Variants in SFPQ observed in about 807,000 individuals in gnomAD.
The protein encoded by SFPQ is splicing factor proline and glutamine rich, also known as splicing factor, proline- and glutamine-rich.
Under a neutral mutation model 72.9 loss-of-function variants are expected in SFPQ, and 11 were observed. That is an observed-to-expected ratio of 0.15 (90% CI 0.09 to 0.25). The LOEUF is 0.25. Ranked by LOEUF, SFPQ falls within the 10% of genes least tolerant of loss-of-function variation. The pLI, the probability that SFPQ is intolerant of heterozygous loss-of-function variation, is 1.00. For synonymous variants in SFPQ, 506 were observed against 367.3 expected (o/e 1.38, Z -4.32); for missense variants, 847 against 993.3 (o/e 0.85, Z 1.98).
chr1:35,189,736 G>A (rs1342736871), intron 4 of SFPQ, among the ~76,000 whole-genome samples: 6 of 152,098 alleles, frequency 3.9e-5, no homozygotes, highest in Non-Finnish European at 8.8e-5. Flanking sequence ...ATCACCTGAG[G>A]TCATGAGTTT....
At position 35,192,273 on chromosome 1, in the gene SFPQ, G is replaced by C. The variant is rs118141562; in HGVS notation, c.777C>G (p.Pro259=). The change falls in exon 1 of 10, where the codon CCC becomes CCG. Residue 259 remains proline (P), a synonymous_variant. Transcript: ENST00000357214. ...TGCGGCCGCCGGGCCCGCCGGGCGGGGGCCCCTGGTGATGCTGCTGGTGGT... is the reference window on the plus strand; with the variant it reads ...TGCGGCCGCCGGGCCCGCCGGGCGGCGGCCCCTGGTGATGCTGCTGGTGGT... ...PPYHQQHHQG[P]PPGGPGGRSE... The C allele has an allele frequency of 0.08, 116,340 of 1,461,130 alleles. 24,023 individuals carry two copies. The highest frequency in any genetic ancestry group is 0.7 in the East Asian group (22,842 of 32,414). 90.5% of individuals were successfully genotyped at this position (1,461,130 alleles called of 1,614,324 possible).
chr1:35,192,769 TGCGGCTGTGGATGCG>T lies in SFPQ; in HGVS notation c.266_280del (p.Pro89_Pro93del). ...CGGTGGCGGCGGCTGCTGCTGCTGATGCGGCTGTGGATGCGGCGGCGGCTGATGCGGTGGCGGCTG... is the reference window on the plus strand; with the variant it reads ...CGGTGGCGGCGGCTGCTGCTGCTGATGCGGCGGCTGATGCGGTGGCGGCTG... On this transcript the variant is annotated inframe_deletion, in exon 1 of 10. Transcript: ENST00000357214. 6.7e-7 allele frequency: 1 copy of T among 1,501,102 alleles called. No individual in the cohort carries two copies. The highest frequency in any genetic ancestry group is 2.7e-5 in the East Asian group (1 of 37,476). The allele number at this position is 1,501,102 out of a possible 1,614,324, so 93.0% of individuals were successfully genotyped here.
chr1:35,187,180 A>C (rs1402598046), intron 8 of SFPQ, 23 bp downstream of exon 8: 18 of 1,613,880 alleles, frequency 1.1e-5, no homozygotes, highest in Non-Finnish European at 1.4e-5. Flanking sequence ...TACTTATATC[A>C]TTAATTTAAA....
downstream of SFPQ, chr1:35,178,672 A>G (rs1639344249): frequency 9.5e-7 from 1 of 1,055,418 alleles, no homozygotes; most frequent in Non-Finnish European, 1.1e-6. Context: ...CACCTTCACT[A>G]TATGCCTGGC....
At chr1:35,179,650 A>C, downstream of SFPQ, 1 of 1,055,886 alleles carries the variant, frequency 9.5e-7, no homozygotes, top group Non-Finnish European at 1.1e-6. Context: ...CACTAACGTC[A>C]CAAGTTTCTC....
chr1:35,192,248 T>A lies in SFPQ; in HGVS notation c.802A>T (p.Ser268Cys). ...GPPPGGPGGR[S>C]EEKISDSEGF... ...TCCGAGTCCGAGATCTTCTCCTCGC[T>A]GCGGCCGCCGGGCCCGCCGGGCGGG... Residue 268 changes from serine (S) to cysteine (C), a missense_variant, in exon 1 of 10, where the codon AGC becomes TGC. Transcript: ENST00000357214. 6.8e-7 allele frequency: 1 copy of A among 1,462,616 alleles called. No homozygotes were observed. The highest frequency in any genetic ancestry group is 9.0e-7 in the Non-Finnish European group (1 of 1,114,648). The allele number at this position is 1,462,616 out of a possible 1,614,324, so 90.6% of individuals were successfully genotyped here.
In SFPQ at chr1:35,193,094, C is replaced by G. The variant is rs758697655; in HGVS notation, c.-45G>C. 6.0e-6 allele frequency: 9 copies of G among 1,506,728 alleles called. No homozygotes were observed. The highest frequency in any genetic ancestry group is 2.5e-5 in the South Asian group (2 of 80,866). The allele number at this position is 1,506,728 out of a possible 1,614,324, so 93.3% of individuals were successfully genotyped here. On this transcript the variant is annotated 5_prime_UTR_variant, in exon 1 of 10. Transcript: ENST00000357214. ...TCGAGGCAAAAGCGAAGAAGACGCT[C>G]AGGAAACGTGGAGGCCACCTTGCTT...
chr1:35,180,851 GT>G, downstream of SFPQ: 1 of 985,336 alleles, frequency 1.0e-6, no homozygotes, highest in Non-Finnish European at 1.2e-6. Flanking sequence ...TGTGTTCCAT[GT>G]TATCTTCAGT....
downstream of SFPQ, chr1:35,178,173 AGG>A: frequency 1.9e-6 from 2 of 1,065,346 alleles, no homozygotes; most frequent in Non-Finnish European, 1.1e-6. Flanking sequence ...ATAAAAAAAT[AGG>A]AAGAAACTTC....
chr1:35,188,600 T>C (rs1639843190), intron 6 of SFPQ, among the ~76,000 whole-genome samples: 1 of 152,128 alleles, frequency 6.6e-6, no homozygotes. Context: ...GCTGAGGAGT[T>C]TGAGACTGCA....
At chr1:35,186,694 G>A (rs1639732172) in intron 9 of SFPQ, among the ~76,000 whole-genome samples, 1 of 152,102 alleles carries the variant, frequency 6.6e-6, no homozygotes, top group East Asian at 1.9e-4. Context: ...CTAGCATCTA[G>A]AATTTGGATT....
chr1:35,190,132 T>G (rs1639924808), intron 4 of SFPQ, among the ~76,000 whole-genome samples: 1 of 151,828 alleles, frequency 6.6e-6, no homozygotes, highest in Non-Finnish European at 1.5e-5. Flanking sequence ...TGGTGGCACA[T>G]GCCTGTAATC....
downstream of SFPQ, chr1:35,180,907 A>G (rs1242276750): frequency 1.0e-6 from 1 of 985,218 alleles, no homozygotes; most frequent in Non-Finnish European, 1.2e-6. Context: ...CAGATATACC[A>G]AAGAATCAAG....
Position 35,183,942 on chromosome 1 carries a change from C to G in SFPQ, c.*514G>C. 9.5e-7 allele frequency: 1 copy of G among 1,050,934 alleles called. No homozygotes were observed. Among genetic ancestry groups the G allele is most frequent in the Non-Finnish European group, 1.1e-6 (1 of 870,094 alleles). The allele number at this position is 1,050,934 out of a possible 1,614,324, so 65.1% of individuals were successfully genotyped here. Reference sequence around the variant, plus strand: ...CAAATCATCAAACTACTTCAATATGCATTTCTTCTTTTTAAAACAAAGGGG... The same window carrying G: ...CAAATCATCAAACTACTTCAATATGGATTTCTTCTTTTTAAAACAAAGGGG... On this transcript the variant is annotated 3_prime_UTR_variant, in exon 10 of 10. Transcript: ENST00000357214.
At chr1:35,181,877 C>A (rs1295765827), downstream of SFPQ, 24 of 985,180 alleles carry the variant, frequency 2.4e-5, 1 homozygote, top group South Asian at 8.5e-4. Context: ...AGCTTACAAC[C>A]CTGAGTACAT....
chr1:35,192,483 C>A lies in SFPQ; in HGVS notation c.567G>T (p.Ala189=). The A allele has an allele frequency of 7.5e-7, 1 of 1,330,172 alleles. No homozygotes were observed. The highest frequency in any genetic ancestry group is 9.5e-7 in the Non-Finnish European group (1 of 1,047,290). 82.4% of individuals were successfully genotyped at this position (1,330,172 alleles called of 1,614,324 possible). The change falls in exon 1 of 10, where the codon GCG becomes GCT. Residue 189 remains alanine, a synonymous_variant. Coordinates refer to ENST00000357214, the MANE Select transcript of SFPQ (RefSeq NM_005066.3). ...PQAGGPPPPP[A]AVPGPGPGPK... is the part of the protein sequence containing the mutation. ...GCCCTGGACCCGGGCCCGGGACTGC[C>A]GCGGGCGGAGGCGGCGGGCCTCCGG...
At position 35,191,652 on chromosome 1, in the gene SFPQ, GT is replaced by G. The variant is rs1640002173; in HGVS notation, c.829-124del. On this transcript the variant is annotated intron_variant, in intron 1 of 9. Coordinates refer to ENST00000357214, the MANE Select transcript of SFPQ (RefSeq NM_005066.3). ...TCTGTTCCGTTTGGTCAAAATCAAGGTTTTACTATGTGAGATTTCTAACATG... is the reference window on the plus strand; with the variant it reads ...TCTGTTCCGTTTGGTCAAAATCAAGGTTTACTATGTGAGATTTCTAACATG... 3 of 690,666 alleles carry G rather than the reference GT, an allele frequency of 4.3e-6. No homozygotes were observed. The East Asian group carries it at 8.1e-5, about 19-fold the overall frequency. 42.8% of individuals were successfully genotyped at this position (690,666 alleles called of 1,614,324 possible).
At chr1:35,179,530 G>A, downstream of SFPQ, 1 of 1,054,122 alleles carries the variant, frequency 9.5e-7, no homozygotes, top group Non-Finnish European at 1.1e-6. Context: ...CCTCGGTATA[G>A]CATTATTACT....
Position 35,192,438 on chromosome 1 carries a change from C to G in SFPQ, c.612G>C (p.Pro204=). 7 of 1,415,304 alleles carry G rather than the reference C, an allele frequency of 4.9e-6. No homozygotes were observed. The highest frequency in any genetic ancestry group is 6.4e-6 in the Non-Finnish European group (7 of 1,093,236). The allele number at this position is 1,415,304 out of a possible 1,614,324, so 87.7% of individuals were successfully genotyped here. A position where few individuals can be genotyped will look rare whatever the true frequency, so the allele number is the denominator to read the frequency against. The part of the protein sequence containing the change: ...PGPGPKQGPG[P]GGPKGGKMPG... ...GCATTTTGCCGCCTTTGGGACCACC[C>G]GGACCTGGGCCCTGCTTAGGCCCTG... The change falls in exon 1 of 10, where the codon CCG becomes CCC. Residue 204 remains proline (P), a synonymous_variant. Transcript: ENST00000357214.
Sources: allele counts gnomAD v4.1 joint callset (sites outside exome capture counted in the v4.1 genomes callset), GRCh38; gene constraint gnomAD v4.1.1; transcripts MANE v1.5; gene names NCBI Gene and HGNC (gene_info 2026-07-23, HGNC 2026-07-21).